WDR37: variants seen among roughly 807,000 people sequenced by gnomAD.
The protein encoded by WDR37 is WD repeat-containing protein 37.
WDR37 carries 19 observed loss-of-function variants against 62.9 expected under a neutral mutation model. The ratio of observed to expected loss-of-function variants is 0.30; its 90% CI spans 0.21 to 0.44. The LOEUF (loss-of-function observed/expected upper bound fraction) is 0.44. WDR37 is among the 20% of genes least tolerant of loss of function. The pLI is 1.00. For synonymous variants in WDR37, 250 were observed against 260.9 expected (o/e 0.96, Z 0.40); for missense variants, 474 against 657.6 (o/e 0.72, Z 3.05).
Position 1,121,371 on chromosome 10 carries a change from TC to T in WDR37, c.1104-2842del, listed in dbSNP as rs1835572115. ...CACCTCTCCTCTCATTCTTCCAGGCTCCCCCAGCAGCCGAAGTCCTCTAAGC... is the reference window on the plus strand; with the variant it reads ...CACCTCTCCTCTCATTCTTCCAGGCTCCCCAGCAGCCGAAGTCCTCTAAGC... On this transcript the variant is annotated intron_variant, in intron 11 of 13. Transcript: ENST00000263150. The surrounding 1 kb of genome is among the most constrained non-coding windows in gnomAD (Gnocchi z 4.5). 1.3e-5 allele frequency among the ~76,000 whole-genome samples: 2 copies of T among 152,116 alleles called. No homozygotes were observed. Among genetic ancestry groups the T allele is most frequent in the Non-Finnish European group, 2.9e-5 (2 of 68,028 alleles).
At chr10:1,074,242 C>G in intron 2 of WDR37, 1 of 967,542 alleles carries the variant, frequency 1.0e-6, no homozygotes, top group Non-Finnish European at 1.3e-6. Flanking sequence ...ACCCTGCAGC[C>G]TCCCCTGCTG....
intron 1 of WDR37, among the ~76,000 whole-genome samples, chr10:1,058,815 C>T (rs544768057): frequency 1.1e-4 from 16 of 152,324 alleles, no homozygotes; most frequent in African/African-American, 2.9e-4. Context: ...AGTGTTATTA[C>T]GATAAAATGT....
At position 1,103,788 on chromosome 10, in the gene WDR37, G is replaced by A; in HGVS notation, c.913G>A (p.Ala305Thr). ...QAVTASWDRT[A>T]NLYDVETSEL... ...TGTGACTGCCTCCTGGGACCGGACG[G>A]CAAACCTGTACGACGTGGAGACGTC... The change falls in exon 10 of 14, where the codon GCA becomes ACA. Residue 305 changes from alanine to threonine, a missense_variant. Transcript: ENST00000263150. This position sits in a 1 kb window ranked among gnomAD's most constrained non-coding sequence, Gnocchi z 6.3. The A allele has an allele frequency of 6.2e-7, 1 of 1,614,220 alleles. No homozygotes were observed. The highest frequency in any genetic ancestry group is 8.5e-7 in the Non-Finnish European group (1 of 1,180,036).
chr10:1,084,091 G>C (rs1232405140), intron 5 of WDR37, among the ~76,000 whole-genome samples: 1 of 152,178 alleles, frequency 6.6e-6, no homozygotes, highest in Non-Finnish European at 1.5e-5. Context: ...TTGGGTTTGG[G>C]GGAGAGGACC....
At chr10:1,080,906 C>CAA (rs775496930) in intron 5 of WDR37, among the ~76,000 whole-genome samples, 4 of 122,742 alleles carry the variant, frequency 3.3e-5, no homozygotes, top group African/African-American at 6.1e-5. Flanking sequence ...ATTCCGACTC[C>CAA]AAAAAAAAAA....
chr10:1,081,837 C>T (rs1282216421), intron 5 of WDR37, among the ~76,000 whole-genome samples: 3 of 151,954 alleles, frequency 2.0e-5, no homozygotes, highest in African/African-American at 7.3e-5. Context: ...AATGTATGGT[C>T]TTGGAATTCC....
rs530760206 is a variant in WDR37, at chr10:1,121,314, C to G, written c.1104-2904C>G. Among the ~76,000 whole-genome samples, 1 of 152,312 alleles carries G rather than the reference C, an allele frequency of 6.6e-6. No homozygotes were observed. Among genetic ancestry groups the G allele is most frequent in the African/African-American group, 2.4e-5 (1 of 41,566 alleles). ...CTGAAACTTAACTTGGCCAAACCTC[C>G]TGAAGACTCCAGTTCAAAGAGAAGT... On this transcript the variant is annotated intron_variant, in intron 11 of 13. Coordinates refer to ENST00000263150, the MANE Select transcript of WDR37 (RefSeq NM_014023.4). This position sits in a 1 kb window ranked among gnomAD's most constrained non-coding sequence, Gnocchi z 4.5.
intron 1 of WDR37, among the ~76,000 whole-genome samples, chr10:1,069,389 A>ATTTTTTTTTTTTTTTTTTTTTTTTTTT (rs377212232): frequency 1.0e-5 from 1 of 95,806 alleles, no homozygotes; most frequent in Admixed American, 1.2e-4. Context: ...ATATATATAT[A>ATTTTTTTTTTTTTTTTTTTTTTTTTTT]TTTTTTTTTT....
chr10:1,090,899 C>T (rs1435957241), intron 7 of WDR37, among the ~76,000 whole-genome samples: 2 of 152,150 alleles, frequency 1.3e-5, no homozygotes, highest in Non-Finnish European at 2.9e-5. Flanking sequence ...TCTGCTGCTG[C>T]GCCTTTAAAT....
chr10:1,102,929 T>C (rs1467028348), intron 9 of WDR37, among the ~76,000 whole-genome samples: 1 of 152,170 alleles, frequency 6.6e-6, no homozygotes, highest in Non-Finnish European at 1.5e-5. Flanking sequence ...AGATTGAGCG[T>C]AGTTTTGCAT....
At chr10:1,123,335 CATT>C (rs1835644720) in intron 11 of WDR37, among the ~76,000 whole-genome samples, 2 of 152,070 alleles carry the variant, frequency 1.3e-5, no homozygotes, top group African/African-American at 2.4e-5. Context: ...AATCAATTCA[CATT>C]GTTGTGCAAC....
chr10:1,090,244 C>T (rs772017295), intron 7 of WDR37, among the ~76,000 whole-genome samples: 9 of 152,146 alleles, frequency 5.9e-5, no homozygotes, highest in African/African-American at 1.9e-4. Context: ...CTGCAACTTC[C>T]GCATCCCTGG....
In WDR37 at chr10:1,080,616, A is replaced by G. The variant is rs377074305; in HGVS notation, c.396+140A>G. On this transcript the variant is annotated intron_variant, in intron 5 of 13. Transcript: ENST00000263150. Reference sequence around the variant, plus strand: ...TAAGGGAAATTTAGTTTTTTAAAGGAATGTCCTGGCTGGGCATGGTGGCTC... The same window carrying G: ...TAAGGGAAATTTAGTTTTTTAAAGGGATGTCCTGGCTGGGCATGGTGGCTC... 144 of 1,004,254 alleles carry G rather than the reference A, an allele frequency of 1.4e-4. 1 individual carries two copies. Among genetic ancestry groups the G allele is most frequent in the African/African-American group, 1.0e-3 (62 of 61,544 alleles). 62.2% of individuals were successfully genotyped at this position (1,004,254 alleles called of 1,614,324 possible).
Position 1,086,041 on chromosome 10 carries a change from A to G in WDR37, c.533-245A>G, listed in dbSNP as rs1042380946. On this transcript the variant is annotated intron_variant, in intron 6 of 13. Transcript: ENST00000263150. ...CATGATGCAGCCAGCCTGATAGTAA[A>G]GTAGGAAATCGAGTCTCTGGTTGTC... is the stretch of plus-strand genomic sequence containing the variant. Among the ~76,000 whole-genome samples, 5 of 152,226 alleles carry G rather than the reference A, an allele frequency of 3.3e-5. 1 individual carries two copies. In the South Asian group the frequency reaches 6.2e-4, roughly 19 times the overall value.
Position 1,129,424 on chromosome 10 carries a change from C to T in WDR37, c.*80C>T. ...CAGGCTTTTCTGCGTATTAATCAGC[C>T]ATTTTTGTGAGAGTTTGACCCTGGA... On this transcript the variant is annotated 3_prime_UTR_variant, in exon 14 of 14. Coordinates refer to ENST00000263150, the MANE Select transcript of WDR37 (RefSeq NM_014023.4). 6.3e-7 allele frequency: 1 copy of T among 1,575,034 alleles called. No individual in the cohort carries two copies. The highest frequency in any genetic ancestry group is 1.7e-5 in the Admixed American group (1 of 57,274).
At chr10:1,085,526 G>A (rs1232219395) in intron 6 of WDR37, among the ~76,000 whole-genome samples, 1 of 152,168 alleles carries the variant, frequency 6.6e-6, no homozygotes, top group East Asian at 1.9e-4. Flanking sequence ...TATCTAAGGT[G>A]GCATAATACC....
intron 10 of WDR37, 131 bp from the exon 11 acceptor site, chr10:1,104,995 G>T: frequency 8.8e-7 from 1 of 1,130,146 alleles, no homozygotes; most frequent in East Asian, 2.6e-5. Flanking sequence ...CCCACATGCT[G>T]CTGAGTGATT....
intron 9 of WDR37, among the ~76,000 whole-genome samples, chr10:1,102,348 G>A (rs770341058): frequency 6.9e-6 from 1 of 144,384 alleles, no homozygotes; most frequent in Non-Finnish European, 1.5e-5. Context: ...CCCTAGTAAT[G>A]TATATGTGCT....
At chr10:1,127,975 G>A (rs1307106103) in intron 13 of WDR37, among the ~76,000 whole-genome samples, 2 of 152,256 alleles carry the variant, frequency 1.3e-5, no homozygotes, top group Non-Finnish European at 2.9e-5. Context: ...GAGTTTCACT[G>A]TGCAGAGCTC....
Sources: gnomAD v4.1 joint callset for allele counts (sites outside exome capture counted in the v4.1 genomes callset) on GRCh38, gnomAD v4.1.1 for gene constraint, Gnocchi (gnomAD v3.1) non-coding constraint, MANE v1.5 for transcripts, NCBI Gene and HGNC (gene_info 2026-07-23, HGNC 2026-07-21) for gene names.